Variants in CAMK2D observed in about 807,000 individuals in gnomAD.
The protein encoded by CAMK2D is calcium/calmodulin-dependent protein kinase type II subunit delta.
CAMK2D carries 37 observed loss-of-function variants against 84.0 expected under a neutral mutation model. That is an observed-to-expected ratio of 0.44 (90% CI 0.34 to 0.58). The LOEUF (loss-of-function observed/expected upper bound fraction) is 0.58. Among genes scored for constraint, CAMK2D ranks in the 20% least tolerant of loss-of-function variants. The pLI is 0.02. For synonymous variants in CAMK2D, 202 were observed against 212.5 expected (o/e 0.95, Z 0.43); for missense variants, 448 against 652.5 (o/e 0.69, Z 3.41).
At chr4:113,666,942 T>C (rs2099259700) in intron 2 of CAMK2D, among the ~76,000 whole-genome samples, 2 of 152,158 alleles carry the variant, frequency 1.3e-5, no homozygotes, top group Non-Finnish European at 2.9e-5. Flanking sequence ...ATGCCTCAGA[T>C]CTGTTTTTGA....
intron 16 of CAMK2D, among the ~76,000 whole-genome samples, chr4:113,494,081 G>A (rs2097888783): frequency 6.6e-6 from 1 of 151,864 alleles, no homozygotes; most frequent in African/African-American, 2.4e-5. Context: ...CTTTGCCTTT[G>A]GTTTGAATGT....
chr4:113,453,379 A>T lies in CAMK2D; in HGVS notation c.*1166T>A, dbSNP rs533021875. On this transcript the variant is annotated 3_prime_UTR_variant, in exon 21 of 21. Transcript: ENST00000511664. ...GCGGAGGTGAGTGCGTTTGCATAAA[A>T]CCCCCTCTGCTATCAAGTTGGTATC... 2.0e-5 allele frequency: 3 copies of T among 151,814 alleles called. No homozygotes were observed. Among genetic ancestry groups the T allele is most frequent in the African/African-American group, 7.3e-5 (3 of 41,362 alleles). 9.4% of individuals were successfully genotyped at this position (151,814 alleles called of 1,614,324 possible).
intron 7 of CAMK2D, among the ~76,000 whole-genome samples, chr4:113,531,911 C>G (rs189780125): frequency 6.6e-6 from 1 of 152,158 alleles, no homozygotes; most frequent in East Asian, 1.9e-4. Context: ...CAATTTATAG[C>G]TAGAATCTAG....
At chr4:113,523,337 T>A (rs1364246494) in intron 8 of CAMK2D, among the ~76,000 whole-genome samples, 2 of 152,104 alleles carry the variant, frequency 1.3e-5, no homozygotes, top group Admixed American at 1.3e-4. Flanking sequence ...TGCATCAACA[T>A]CACCTGGTGC....
At chr4:113,688,621 C>T (rs1045791034) in intron 2 of CAMK2D, among the ~76,000 whole-genome samples, 1 of 152,130 alleles carries the variant, frequency 6.6e-6, no homozygotes, top group Non-Finnish European at 1.5e-5. Context: ...AACTCATCCT[C>T]TTCTAGTTCC....
chr4:113,708,601 C>T (rs1163583046), intron 2 of CAMK2D, among the ~76,000 whole-genome samples: 1 of 151,942 alleles, frequency 6.6e-6, no homozygotes, highest in Admixed American at 6.6e-5. Context: ...TTTTTTTTTC[C>T]TCAGCTGTAG....
chr4:113,716,164 T>C (rs1006452291), intron 2 of CAMK2D, among the ~76,000 whole-genome samples: 4 of 152,170 alleles, frequency 2.6e-5, no homozygotes, highest in African/African-American at 9.7e-5. Context: ...GCTGTACTAG[T>C]TAAATTTAGT....
intron 4 of CAMK2D, among the ~76,000 whole-genome samples, chr4:113,592,660 T>C (rs2098896045): frequency 6.6e-6 from 1 of 152,168 alleles, no homozygotes; most frequent in Non-Finnish European, 1.5e-5. Context: ...AATATCAAAC[T>C]GCTTTTATTA....
chr4:113,502,867 A>AT, intron 15 of CAMK2D, 69 bp downstream of exon 15: 1 of 1,095,540 alleles, frequency 9.1e-7, no homozygotes, highest in South Asian at 1.3e-5. Flanking sequence ...TAACGAATTA[A>AT]TTTTTTTGAA....
chr4:113,636,388 G>C (rs2099109894), intron 3 of CAMK2D, among the ~76,000 whole-genome samples: 2 of 152,202 alleles, frequency 1.3e-5, no homozygotes, highest in Admixed American at 6.5e-5. Context: ...TCCAGCCTCT[G>C]CTTTGGCCCT....
At chr4:113,582,099 T>G (rs992387700) in intron 4 of CAMK2D, among the ~76,000 whole-genome samples, 1 of 152,198 alleles carries the variant, frequency 6.6e-6, no homozygotes, top group Non-Finnish European at 1.5e-5. Context: ...ATTTTGACTC[T>G]GGCCGCAAAT....
At chr4:113,697,072 T>A (rs968263465) in intron 2 of CAMK2D, among the ~76,000 whole-genome samples, 1 of 152,112 alleles carries the variant, frequency 6.6e-6, no homozygotes, top group Non-Finnish European at 1.5e-5. Flanking sequence ...ACCTGTTGCA[T>A]CTGAGCCAGG....
chr4:113,508,655 G>A (rs1051718810), intron 13 of CAMK2D, among the ~76,000 whole-genome samples: 1 of 152,144 alleles, frequency 6.6e-6, no homozygotes, highest in Non-Finnish European at 1.5e-5. Flanking sequence ...AAATGGAAAT[G>A]GCATCCTAAA....
At chr4:113,598,965 C>T (rs1306638307) in intron 4 of CAMK2D, among the ~76,000 whole-genome samples, 1 of 152,084 alleles carries the variant, frequency 6.6e-6, no homozygotes, top group Non-Finnish European at 1.5e-5. Context: ...CAAAGCTTAA[C>T]ATGAAAATGA....
intron 2 of CAMK2D, among the ~76,000 whole-genome samples, chr4:113,668,996 T>C (rs1393158921): frequency 6.6e-6 from 1 of 152,188 alleles, no homozygotes; most frequent in Non-Finnish European, 1.5e-5. Context: ...GGAATAAATA[T>C]TGATATTTGA....
At chr4:113,457,779 C>G (rs1356183664) in intron 18 of CAMK2D, among the ~76,000 whole-genome samples, 1 of 152,116 alleles carries the variant, frequency 6.6e-6, no homozygotes, top group Non-Finnish European at 1.5e-5. Context: ...ATCTGGTTTC[C>G]TTTACAGGCA....
intron 4 of CAMK2D, among the ~76,000 whole-genome samples, chr4:113,604,024 T>G (rs1055411316): frequency 5.9e-5 from 9 of 151,950 alleles, no homozygotes; most frequent in Non-Finnish European, 1.2e-4. Context: ...TAAAAATCAT[T>G]TCATTAGAAG....
intron 2 of CAMK2D, among the ~76,000 whole-genome samples, chr4:113,671,684 T>G (rs2099286163): frequency 6.6e-6 from 1 of 152,210 alleles, no homozygotes; most frequent in Admixed American, 6.5e-5. Flanking sequence ...TGAGGTATGT[T>G]ATTGCCAGCC....
At chr4:113,760,444 G>T (rs2149185665) in intron 1 of CAMK2D, among the ~76,000 whole-genome samples, 1 of 152,282 alleles carries the variant, frequency 6.6e-6, no homozygotes, top group South Asian at 2.1e-4. Context: ...GGGTTCTGTT[G>T]GGTGGCCCTT....
Sources: gnomAD v4.1 joint callset for allele counts (sites outside exome capture counted in the v4.1 genomes callset) on GRCh38, gnomAD v4.1.1 for gene constraint, MANE v1.5 for transcripts, NCBI Gene and HGNC (gene_info 2026-07-23, HGNC 2026-07-21) for gene names.